The following NOS1AP variants were observed in gnomAD, a reference collection of about 807,000 sequenced individuals.
NOS1AP encodes carboxyl-terminal PDZ ligand of neuronal nitric oxide synthase protein.
NOS1AP carries 21 observed loss-of-function variants against 56.2 expected under a neutral mutation model. The ratio of observed to expected loss-of-function variants is 0.37; its 90% CI spans 0.26 to 0.54. The LOEUF is 0.54. Ranked by LOEUF, NOS1AP falls within the 20% of genes least tolerant of loss-of-function variation. The pLI is 0.84. For synonymous variants in NOS1AP, 270 were observed against 274.6 expected (o/e 0.98, Z 0.17); for missense variants, 522 against 657.8 (o/e 0.79, Z 2.26).
chr1:162,070,095 G>A lies in NOS1AP; in HGVS notation c.-83G>A. The A allele has an allele frequency of 8.7e-7, 1 of 1,153,480 alleles. No individual in the cohort carries two copies. Among genetic ancestry groups the A allele is most frequent in the Non-Finnish European group, 1.3e-6 (1 of 772,420 alleles). 71.5% of individuals were successfully genotyped at this position (1,153,480 alleles called of 1,614,324 possible). A position where few individuals can be genotyped will look rare whatever the true frequency, so the allele number is the denominator to read the frequency against. ...GCCCCGCCACGCGTCGCCGCGCCCA[G>A]CTCCAGTCTCCCCTCCCCGGGGTCT... is the stretch of plus-strand genomic sequence containing the variant. On this transcript the variant is annotated 5_prime_UTR_variant, in exon 1 of 10. Transcript: ENST00000361897.
chr1:162,302,921 CT>C, intron 4 of NOS1AP, among the ~76,000 whole-genome samples: 1 of 152,256 alleles, frequency 6.6e-6, no homozygotes, highest in South Asian at 2.1e-4. Flanking sequence ...AGTATATCCT[CT>C]TTTTTGGGAG....
chr1:162,166,134 T>C (rs185785787), intron 2 of NOS1AP, among the ~76,000 whole-genome samples: 1 of 152,304 alleles, frequency 6.6e-6, no homozygotes, highest in African/African-American at 2.4e-5. Context: ...TTCCTACCAG[T>C]GCAGCCCCAG....
At chr1:162,143,249 T>C (rs1242779619) in intron 1 of NOS1AP, among the ~76,000 whole-genome samples, 1 of 152,112 alleles carries the variant, frequency 6.6e-6, no homozygotes, top group Non-Finnish European at 1.5e-5. Context: ...TCTTCACTCC[T>C]CTTTGATTCT....
chr1:162,142,123 C>T (rs540677468), intron 1 of NOS1AP, among the ~76,000 whole-genome samples: 38 of 152,344 alleles, frequency 2.5e-4, no homozygotes, highest in African/African-American at 9.1e-4. Context: ...CAGATATTAA[C>T]TCACAACTCT....
intron 8 of NOS1AP, chr1:162,364,516 T>C (rs1025267448): frequency 1.0e-6 from 1 of 985,380 alleles, no homozygotes; most frequent in Admixed American, 6.1e-5. Flanking sequence ...ACATAAGTAT[T>C]GCTCACCAAG....
intron 1 of NOS1AP, among the ~76,000 whole-genome samples, chr1:162,086,441 C>G (rs936543943): frequency 2.0e-5 from 3 of 152,116 alleles, no homozygotes; most frequent in African/African-American, 4.8e-5. Flanking sequence ...CCTTGCCCAC[C>G]CTGAGTAGCT....
At chr1:162,240,244 A>AGT (rs5778260) in intron 2 of NOS1AP, among the ~76,000 whole-genome samples, 55,075 of 141,008 alleles carry the variant, frequency 0.39, 11,373 homozygotes, top group Non-Finnish European at 0.48. Context: ...CTGTGTGGCC[A>AGT]GTGTGTGTGT....
rs1365270818 is a variant in NOS1AP, at chr1:162,367,562, C to G, written c.*95C>G. The G allele has an allele frequency of 1.9e-5, 26 of 1,352,232 alleles. No homozygotes were observed. In the East Asian group the frequency reaches 5.8e-4, roughly 30 times the overall value. 83.8% of individuals were successfully genotyped at this position (1,352,232 alleles called of 1,614,324 possible). A position where few individuals can be genotyped will look rare whatever the true frequency, so the allele number is the denominator to read the frequency against. On this transcript the variant is annotated 3_prime_UTR_variant, in exon 10 of 10. Transcript: ENST00000361897. This position sits in a 1 kb window ranked among gnomAD's most constrained non-coding sequence, Gnocchi z 6.5. ...GGGATGCCCAGTGAATGTGCACTGC[C>G]GAGGAGAATGCCAGCCAGGGCCCGG...
At chr1:162,090,504 A>G (rs1558093976) in intron 1 of NOS1AP, among the ~76,000 whole-genome samples, 1 of 152,042 alleles carries the variant, frequency 6.6e-6, no homozygotes, top group Admixed American at 6.5e-5. Flanking sequence ...TTCACAGACT[A>G]CTGTTTTTAG....
intron 2 of NOS1AP, among the ~76,000 whole-genome samples, chr1:162,217,144 G>A (rs1225234413): frequency 6.6e-6 from 1 of 151,976 alleles, no homozygotes; most frequent in African/African-American, 2.4e-5. Flanking sequence ...CTTTCACATG[G>A]GGAAGCTTAG....
chr1:162,182,328 G>T (rs1651290527), intron 2 of NOS1AP, among the ~76,000 whole-genome samples: 1 of 152,154 alleles, frequency 6.6e-6, no homozygotes, highest in South Asian at 2.1e-4. Flanking sequence ...TTGGTTCCAG[G>T]CCACTGCAAT....
intron 3 of NOS1AP, among the ~76,000 whole-genome samples, chr1:162,291,911 A>G (rs995367554): frequency 6.6e-6 from 1 of 152,230 alleles, no homozygotes; most frequent in Non-Finnish European, 1.5e-5. Context: ...ATCACGCTAT[A>G]GCACCATTTG....
rs1320006041 is a variant in NOS1AP at position 162,367,847 on chromosome 1, C to A, written c.*380C>A. 1 of 212,450 alleles carries A rather than the reference C, an allele frequency of 4.7e-6. No individual in the cohort carries two copies. Among genetic ancestry groups the A allele is most frequent in the Non-Finnish European group, 9.5e-6 (1 of 105,038 alleles). 13.2% of individuals were successfully genotyped at this position (212,450 alleles called of 1,614,324 possible). ...TGCCCCCCTACCCCCTCACTCTCCC[C>A]GTCTCCATGGTCCCGACCAGGAAGG... is the stretch of plus-strand genomic sequence containing the variant. On this transcript the variant is annotated 3_prime_UTR_variant, in exon 10 of 10. Coordinates refer to ENST00000361897, the MANE Select transcript of NOS1AP (RefSeq NM_014697.3). This position sits in a 1 kb window ranked among gnomAD's most constrained non-coding sequence, Gnocchi z 6.5.
intron 1 of NOS1AP, among the ~76,000 whole-genome samples, chr1:162,086,777 T>TC: frequency 6.6e-6 from 1 of 152,296 alleles, no homozygotes; most frequent in East Asian, 1.9e-4. Flanking sequence ...TTAATGACTT[T>TC]CCCCTCCCAG....
At chr1:162,105,321 C>T (rs1359017883) in intron 1 of NOS1AP, among the ~76,000 whole-genome samples, 1 of 152,236 alleles carries the variant, frequency 6.6e-6, no homozygotes. Flanking sequence ...TGCTGTTCTG[C>T]ACACACCTGT....
chr1:162,294,955 A>T (rs1325028461), intron 3 of NOS1AP, among the ~76,000 whole-genome samples: 1 of 152,104 alleles, frequency 6.6e-6, no homozygotes, highest in Non-Finnish European at 1.5e-5. Flanking sequence ...CATTTAGCGT[A>T]TTGGCCTCAC....
intron 2 of NOS1AP, among the ~76,000 whole-genome samples, chr1:162,155,477 C>T (rs1489540988): frequency 2.7e-5 from 4 of 146,968 alleles, no homozygotes; most frequent in Non-Finnish European, 4.5e-5. Flanking sequence ...AGAGAGGTAT[C>T]GAATATAAGA....
intron 2 of NOS1AP, among the ~76,000 whole-genome samples, chr1:162,217,134 C>T (rs1652597064): frequency 6.6e-6 from 1 of 152,030 alleles, no homozygotes; most frequent in African/African-American, 2.4e-5. Context: ...TGTTTCCACT[C>T]TTTCACATGG....
chr1:162,143,758 G>A (rs971468605), intron 1 of NOS1AP, among the ~76,000 whole-genome samples: 1 of 152,084 alleles, frequency 6.6e-6, no homozygotes, highest in Non-Finnish European at 1.5e-5. Context: ...CATCATGTCT[G>A]GCCCATCTAA....
Sources: gnomAD v4.1 joint callset for allele counts (sites outside exome capture counted in the v4.1 genomes callset) on GRCh38, gnomAD v4.1.1 for gene constraint, Gnocchi (gnomAD v3.1) non-coding constraint, MANE v1.5 for transcripts, NCBI Gene and HGNC (gene_info 2026-07-23, HGNC 2026-07-21) for gene names.